The following HECW2 variants were observed in gnomAD, a reference collection of about 807,000 sequenced individuals.
The protein encoded by HECW2 is HECT, C2 and WW domain containing E3 ubiquitin protein ligase 2.
In HECW2, 61 loss-of-function variants were observed where a neutral mutation model predicts 175.2. That is an observed-to-expected ratio of 0.35 (90% CI 0.28 to 0.43). HECW2 has a LOEUF of 0.43. HECW2 is among the 20% of genes least tolerant of loss of function. HECW2 has a pLI of 1.00. For missense variants in HECW2, 1,524 were observed against 2,000.5 expected, an observed-to-expected ratio of 0.76 and a Z score of 4.54; for synonymous variants, 671 against 731.0, an observed-to-expected ratio of 0.92 and a Z score of 1.32.
At chr2:196,588,006 A>G (rs1691049616) in intron 1 of HECW2, among the ~76,000 whole-genome samples, 1 of 152,164 alleles carries the variant, frequency 6.6e-6, no homozygotes, top group Non-Finnish European at 1.5e-5. Context: ...AGGTATTTGT[A>G]TTAAGCAACT....
At chr2:196,568,280 T>C (rs1332204987) in intron 1 of HECW2, among the ~76,000 whole-genome samples, 1 of 152,158 alleles carries the variant, frequency 6.6e-6, no homozygotes, top group Non-Finnish European at 1.5e-5. Context: ...TTATATGAAA[T>C]CTTACATCCT....
intron 1 of HECW2, among the ~76,000 whole-genome samples, chr2:196,499,006 C>T (rs1435721891): frequency 6.6e-6 from 1 of 152,130 alleles, no homozygotes; most frequent in Admixed American, 6.5e-5. Context: ...CAAGACCCAA[C>T]CAATTAGCCT....
At chr2:196,240,628 T>C in intron 20 of HECW2, 66 bp from the exon 21 acceptor site, 19 of 1,371,746 alleles carry the variant, frequency 1.4e-5, no homozygotes, top group Non-Finnish European at 1.8e-5. Flanking sequence ...AATTTACTTA[T>C]CTTTCTAGAA....
At position 196,574,907 on chromosome 2, in the gene HECW2, C is replaced by G. The variant is rs1690507518; in HGVS notation, c.-36+18601G>C. On this transcript the variant is annotated intron_variant, in intron 1 of 28. Transcript: ENST00000644978. The stretch of plus-strand genomic sequence containing the variant: ...AGTCATCTGATCTTTGACAAGAATG[C>G]CAAGAACACATCACAGGGAAAGGAT... 2.6e-5 allele frequency among the ~76,000 whole-genome samples: 4 copies of G among 151,772 alleles called. No homozygotes were observed. In the South Asian group the frequency reaches 8.3e-4, roughly 32 times the overall value.
intron 28 of HECW2, among the ~76,000 whole-genome samples, chr2:196,205,450 G>A (rs1240538493): frequency 6.6e-6 from 1 of 152,004 alleles, no homozygotes; most frequent in East Asian, 1.9e-4. Flanking sequence ...ACATTTTGAG[G>A]ACAAGGATTG....
At chr2:196,580,051 A>G (rs926127348) in intron 1 of HECW2, among the ~76,000 whole-genome samples, 2 of 152,248 alleles carry the variant, frequency 1.3e-5, no homozygotes, top group African/African-American at 2.4e-5. Flanking sequence ...ATCAGACAAA[A>G]TAGACTTTAA....
chr2:196,249,229 G>T (rs929555666), intron 19 of HECW2, among the ~76,000 whole-genome samples: 1 of 152,052 alleles, frequency 6.6e-6, no homozygotes, highest in Admixed American at 6.5e-5. Context: ...AAACTTCTGG[G>T]TCCCATATTT....
intron 1 of HECW2, among the ~76,000 whole-genome samples, chr2:196,534,730 C>A (rs1202990179): frequency 6.6e-6 from 1 of 152,150 alleles, no homozygotes; most frequent in Non-Finnish European, 1.5e-5. Context: ...CCTGCCCCGG[C>A]CTCAGAAAGC....
intron 2 of HECW2, among the ~76,000 whole-genome samples, chr2:196,406,722 C>T (rs1208993694): frequency 1.3e-5 from 2 of 152,236 alleles, no homozygotes; most frequent in African/African-American, 4.8e-5. Context: ...CTGTTCCTGA[C>T]ACCTGCCAAG....
At chr2:196,432,648 T>A (rs1695749431) in intron 2 of HECW2, among the ~76,000 whole-genome samples, 1 of 152,188 alleles carries the variant, frequency 6.6e-6, no homozygotes, top group South Asian at 2.1e-4. Flanking sequence ...AACAGAGTCA[T>A]GAAATTTAAA....
intron 2 of HECW2, among the ~76,000 whole-genome samples, chr2:196,402,200 C>CAAAAAAAAAA (rs55851966): frequency 1.4e-5 from 1 of 70,388 alleles, no homozygotes; most frequent in Non-Finnish European, 2.6e-5. Context: ...GACTCTGTCT[C>CAAAAAAAAAA]AAAAAAAAAA....
At chr2:196,397,800 C>A (rs1347042196) in intron 2 of HECW2, among the ~76,000 whole-genome samples, 1 of 152,168 alleles carries the variant, frequency 6.6e-6, no homozygotes, top group Non-Finnish European at 1.5e-5. Context: ...CCATATATGC[C>A]AAGACATTGT....
At chr2:196,539,509 C>A (rs1009620421) in intron 1 of HECW2, among the ~76,000 whole-genome samples, 6 of 152,020 alleles carry the variant, frequency 3.9e-5, no homozygotes, top group Admixed American at 1.3e-4. Context: ...GTGGCGGGCA[C>A]CTGTGGTACC....
chr2:196,226,737 A>G (rs1687865491), intron 22 of HECW2, among the ~76,000 whole-genome samples: 1 of 152,226 alleles, frequency 6.6e-6, no homozygotes, highest in South Asian at 2.1e-4. Flanking sequence ...GGAAAGGCCC[A>G]GTCTCAGATC....
intron 1 of HECW2, among the ~76,000 whole-genome samples, chr2:196,443,896 A>G (rs1242147462): frequency 6.6e-6 from 1 of 152,146 alleles, no homozygotes; most frequent in Non-Finnish European, 1.5e-5. Flanking sequence ...TTAGCTGGGC[A>G]TGGTGGCGTG....
chr2:196,203,720 T>C (rs1390317564), intron 28 of HECW2, among the ~76,000 whole-genome samples: 3 of 152,246 alleles, frequency 2.0e-5, no homozygotes, highest in African/African-American at 7.2e-5. Context: ...ATATACATAA[T>C]ATAACATTTA....
intron 17 of HECW2, among the ~76,000 whole-genome samples, chr2:196,268,119 T>C (rs1347555453): frequency 2.0e-5 from 3 of 152,228 alleles, no homozygotes; most frequent in African/African-American, 7.2e-5. Flanking sequence ...CAGAATGTTC[T>C]CTTAGATATA....
At chr2:196,213,248 A>G (rs190679664) in intron 28 of HECW2, among the ~76,000 whole-genome samples, 4 of 152,364 alleles carry the variant, frequency 2.6e-5, no homozygotes, top group Non-Finnish European at 5.9e-5. Context: ...CAATGTTAAT[A>G]GTTAAAGTAG....
intron 18 of HECW2, 30 bp downstream of exon 18, chr2:196,257,793 C>T: frequency 1.4e-6 from 2 of 1,478,320 alleles, no homozygotes; most frequent in Non-Finnish European, 1.9e-6. Context: ...AAGAGACCTT[C>T]TGCTTCAAGA....
Sources: gnomAD v4.1 joint callset for allele counts (sites outside exome capture counted in the v4.1 genomes callset) on GRCh38, gnomAD v4.1.1 for gene constraint, MANE v1.5 for transcripts, NCBI Gene and HGNC (gene_info 2026-07-23, HGNC 2026-07-21) for gene names.